BIVM: variants seen among roughly 807,000 people sequenced by gnomAD.
BIVM encodes the protein basic, immunoglobulin-like variable motif containing.
Under a neutral mutation model 61.4 loss-of-function variants are expected in BIVM, and 31 were observed. The ratio of observed to expected loss-of-function variants is 0.51; its 90% CI spans 0.38 to 0.68. The LOEUF is 0.68. Among genes scored for constraint, BIVM ranks in the 30% least tolerant of loss-of-function variants. BIVM has a pLI of 0.00. For missense variants in BIVM, 526 were observed against 596.0 expected (o/e 0.88, Z 1.22); for synonymous variants, 189 against 210.7 (o/e 0.90, Z 0.89).
intron 8 of BIVM, among the ~76,000 whole-genome samples, chr13:102,832,269 C>G (rs1195449950): frequency 2.0e-5 from 3 of 152,220 alleles, no homozygotes; most frequent in African/African-American, 7.2e-5. Context: ...TAGGTCACTG[C>G]TGCCTCAAAC....
At chr13:102,831,048 T>C (rs893399169) in intron 7 of BIVM, among the ~76,000 whole-genome samples, 6 of 152,240 alleles carry the variant, frequency 3.9e-5, no homozygotes, top group African/African-American at 1.4e-4. Flanking sequence ...TATACATCAG[T>C]AGTTTTTTAA....
In BIVM at chr13:102,799,326, G is replaced by T. The variant is rs1196539872; in HGVS notation, c.-402G>T. The T allele has an allele frequency of 5.8e-6, 1 of 173,300 alleles. No individual in the cohort carries two copies. The highest frequency in any genetic ancestry group is 1.6e-4 in the East Asian group (1 of 6,360). The allele number at this position is 173,300 out of a possible 1,614,324, so 10.7% of individuals were successfully genotyped here. A position where few individuals can be genotyped will look rare whatever the true frequency, so the allele number is the denominator to read the frequency against. On this transcript the variant is annotated 5_prime_UTR_variant, in exon 1 of 11. The change creates a new upstream start codon in the 5' untranslated region. Transcript: ENST00000257336. ...AGGGCAGGCATAAAGCACCTTGAAA[G>T]GAAGGTGCTGTCAATGCTATCCGAC...
In BIVM at chr13:102,816,470, A is replaced by C. The variant is rs1209063590; in HGVS notation, c.521A>C (p.Lys174Thr). ...KQVSKRKTSD[K>T]KGRYQKECPQ... is the part of the protein sequence containing the mutation. ...GTTTCCAAGAGAAAAACTTCAGATA[A>C]AAAGGGAAGATATCAGAAGGAATGT... Residue 174 changes from lysine to threonine, a missense_variant, in exon 4 of 11, where the codon AAA (lysine) becomes ACA (threonine). Physicochemically the swap from Lys to Thr is moderately conservative, Grantham distance 78. This residue lies in a region of BIVM where 312 missense variants were observed against 343.8 expected (regional missense o/e 0.91). Transcript: ENST00000257336. 1 of 1,592,122 alleles carries C rather than the reference A, an allele frequency of 6.3e-7. No individual in the cohort carries two copies. The highest frequency in any genetic ancestry group is 8.5e-7 in the Non-Finnish European group (1 of 1,172,090).
chr13:102,820,059 A>G (rs112326732), intron 4 of BIVM, among the ~76,000 whole-genome samples: 1 of 152,130 alleles, frequency 6.6e-6, no homozygotes, highest in African/African-American at 2.4e-5. Context: ...ACCACGCTTG[A>G]CTAGCTTCAC....
intron 9 of BIVM, among the ~76,000 whole-genome samples, chr13:102,837,809 C>T (rs1482816793): frequency 6.6e-6 from 1 of 152,196 alleles, no homozygotes; most frequent in Non-Finnish European, 1.5e-5. Context: ...AATGGAAAGC[C>T]AAATATCATA....
At chr13:102,831,417 C>T in intron 7 of BIVM, 148 bp from the exon 8 acceptor site, 3 of 1,212,502 alleles carry the variant, frequency 2.5e-6, no homozygotes, top group Non-Finnish European at 3.4e-6. Flanking sequence ...TTTTTTGTAC[C>T]TATCAATAGC....
chr13:102,806,252 C>CTTATTTTATTTTATTT (rs1879071872), intron 2 of BIVM, among the ~76,000 whole-genome samples: 3 of 151,956 alleles, frequency 2.0e-5, no homozygotes, highest in Non-Finnish European at 4.4e-5. Flanking sequence ...TGCTTATTGG[C>CTTATTTTATTTTATTT]CATTTATTTT....
intron 8 of BIVM, among the ~76,000 whole-genome samples, chr13:102,833,051 G>T (rs544371078): frequency 6.6e-6 from 1 of 151,842 alleles, no homozygotes; most frequent in African/African-American, 2.4e-5. Context: ...TTGCACCCAG[G>T]AGTTCAAGAC....
At chr13:102,833,533 G>A (rs1335181851) in intron 8 of BIVM, among the ~76,000 whole-genome samples, 1 of 151,936 alleles carries the variant, frequency 6.6e-6, no homozygotes, top group Non-Finnish European at 1.5e-5. Context: ...ATGTTACCCA[G>A]GCTGGTCTTG....
rs1302483257 is a variant in BIVM, at chr13:102,841,183, C to T, written c.*1318C>T. 1 of 152,604 alleles carries T rather than the reference C, an allele frequency of 6.6e-6. No individual in the cohort carries two copies. Among genetic ancestry groups the T allele is most frequent in the Non-Finnish European group, 1.5e-5 (1 of 68,026 alleles). 9.5% of individuals were successfully genotyped at this position (152,604 alleles called of 1,614,324 possible). A position where few individuals can be genotyped will look rare whatever the true frequency, so the allele number is the denominator to read the frequency against. ...CCTGTGACTCACAAATGACTAGGAT[C>T]TCTTGTTCTTTAATTTTAGGGTCTT... is the stretch of plus-strand genomic sequence containing the variant. On this transcript the variant is annotated 3_prime_UTR_variant, in exon 11 of 11. Transcript: ENST00000257336.
chr13:102,810,084 C>G (rs886221968), intron 3 of BIVM, among the ~76,000 whole-genome samples: 3 of 152,136 alleles, frequency 2.0e-5, no homozygotes, highest in Non-Finnish European at 2.9e-5. Context: ...TTCTTTTCAT[C>G]TTACAAAATA....
rs1881725988 is a variant in BIVM, at chr13:102,840,031, G to T, written c.*166G>T. The T allele has an allele frequency of 4.4e-6, 3 of 676,450 alleles. No homozygotes were observed. In the South Asian group the frequency reaches 7.4e-5, roughly 17 times the overall value. 41.9% of individuals were successfully genotyped at this position (676,450 alleles called of 1,614,324 possible). On this transcript the variant is annotated 3_prime_UTR_variant, in exon 11 of 11. Coordinates refer to ENST00000257336, the MANE Select transcript of BIVM (RefSeq NM_017693.4). ...GATACTAAGCTTGTATATGATTATG[G>T]TGGGTGATTTCAGATATATAAGCAG...
chr13:102,807,690 G>A lies in BIVM; in HGVS notation c.423G>A (p.Trp141Ter). Residue 141 changes from tryptophan (W) to a stop codon, truncating the protein, a stop_gained, in exon 3 of 11, where the codon TGG (tryptophan) becomes TGA (stop). Coordinates refer to ENST00000257336, the MANE Select transcript of BIVM (RefSeq NM_017693.4). LOFTEE classifies it high-confidence loss of function. The surrounding 1 kb of genome is among the most constrained non-coding windows in gnomAD (Gnocchi z 4.0). ...GCCTGGGCAAGCTACCTCTCGCATG[G>A]GAAATTGATAAATCTGAATTTGATG... ...SNSLGKLPLAWEIDKSEFDGV... is the reference protein window; with the variant it reads ...SNSLGKLPLA 6.2e-7 allele frequency: 1 copy of A among 1,613,860 alleles called. No homozygotes were observed. The highest frequency in any genetic ancestry group is 8.5e-7 in the Non-Finnish European group (1 of 1,179,956).
At chr13:102,803,471 C>A (rs980456635) in intron 1 of BIVM, among the ~76,000 whole-genome samples, 1 of 152,084 alleles carries the variant, frequency 6.6e-6, no homozygotes, top group Non-Finnish European at 1.5e-5. Flanking sequence ...CCATTGCACT[C>A]CAGCCTGGGC....
chr13:102,806,829 G>A (rs1279112437), intron 2 of BIVM, among the ~76,000 whole-genome samples: 3 of 151,708 alleles, frequency 2.0e-5, no homozygotes, highest in African/African-American at 7.3e-5. Context: ...AGAATCACTT[G>A]AACCCGGGAG....
intron 3 of BIVM, among the ~76,000 whole-genome samples, chr13:102,814,829 A>G (rs1487299035): frequency 6.6e-6 from 1 of 152,168 alleles, no homozygotes; most frequent in Non-Finnish European, 1.5e-5. Context: ...GGATTGCTTG[A>G]GCTCAGGAGT....
chr13:102,815,864 G>T (rs553726112), intron 3 of BIVM, among the ~76,000 whole-genome samples: 77 of 152,324 alleles, frequency 5.1e-4, no homozygotes, highest in South Asian at 3.3e-3. Context: ...TTGCATTTTA[G>T]TAATGTATAT....
intron 8 of BIVM, 144 bp from the exon 9 acceptor site, chr13:102,834,322 C>T: frequency 1.5e-6 from 1 of 683,552 alleles, no homozygotes. Flanking sequence ...AGAAATTTGC[C>T]CTCACCTAAG....
chr13:102,819,480 G>A (rs544531580), intron 4 of BIVM, among the ~76,000 whole-genome samples: 2 of 152,284 alleles, frequency 1.3e-5, no homozygotes, highest in South Asian at 4.1e-4. Flanking sequence ...ATTAGCTTTT[G>A]TGTGTCATTT....
Sources: gnomAD v4.1 joint callset for allele counts (sites outside exome capture counted in the v4.1 genomes callset) on GRCh38, gnomAD v4.1.1 for gene constraint, gnomAD v4.1.1 regional missense constraint, Gnocchi (gnomAD v3.1) non-coding constraint, MANE v1.5 for transcripts, NCBI Gene and HGNC (gene_info 2026-07-23, HGNC 2026-07-21) for gene names.